Variants in ZBTB10 observed in about 807,000 individuals in gnomAD.
ZBTB10 encodes zinc finger and BTB domain containing 10.
A neutral mutation model predicts 76.4 loss-of-function variants in ZBTB10; 32 were observed. The ratio of observed to expected loss-of-function variants is 0.42; its 90% CI spans 0.32 to 0.56. The LOEUF (loss-of-function observed/expected upper bound fraction) is 0.56, where lower values mean the gene tolerates loss of function less well. ZBTB10 is among the 20% of genes least tolerant of loss of function. ZBTB10 has a pLI of 0.14. For missense variants in ZBTB10, 1,057 were observed against 1,098.5 expected (o/e 0.96, Z 0.53); for synonymous variants, 523 against 432.9 (o/e 1.21, Z -2.58).
At chr8:80,506,578 C>A (rs1401314374) in intron 2 of ZBTB10, among the ~76,000 whole-genome samples, 1 of 146,026 alleles carries the variant, frequency 6.8e-6, no homozygotes, top group African/African-American at 2.6e-5. Context: ...CCCCCAACCC[C>A]CGCCTCAGCC....
chr8:80,488,014 TGTC>T (rs1237257071), intron 1 of ZBTB10, among the ~76,000 whole-genome samples: 22 of 147,378 alleles, frequency 1.5e-4, no homozygotes, highest in Admixed American at 8.7e-4. Context: ...GAATGACAAT[TGTC>T]GTGGCGCTGG....
At chr8:80,503,660 G>A (rs1460230022) in intron 2 of ZBTB10, among the ~76,000 whole-genome samples, 1 of 151,974 alleles carries the variant, frequency 6.6e-6, no homozygotes, top group Non-Finnish European at 1.5e-5. Flanking sequence ...GGGACTACTG[G>A]CGTGCACCAC....
rs755682801 is a variant in ZBTB10 at position 80,513,901 on chromosome 8, C to T, written c.1862-9C>T. 4 of 1,611,726 alleles carry T rather than the reference C, an allele frequency of 2.5e-6. No individual in the cohort carries two copies. The highest frequency in any genetic ancestry group is 1.3e-5 in the African/African-American group (1 of 74,946). On this transcript the variant is annotated splice_polypyrimidine_tract_variant and intron_variant, in intron 2 of 5. Transcript: ENST00000455036. ...TTTGTAGATAAATTTTTCTATGTTT[C>T]CTTTTCAGATTTAGATGGTGCTCTA...
chr8:80,489,536 A>G (rs1253152740), intron 1 of ZBTB10, among the ~76,000 whole-genome samples: 2 of 152,206 alleles, frequency 1.3e-5, no homozygotes, highest in Non-Finnish European at 2.9e-5. Flanking sequence ...GCAAATCTGA[A>G]TGGGAATGCA....
chr8:80,503,264 T>C (rs527979437), intron 2 of ZBTB10, among the ~76,000 whole-genome samples: 99 of 152,292 alleles, frequency 6.5e-4, no homozygotes, highest in African/African-American at 2.3e-3. Context: ...GCAATCCTCC[T>C]TAAACTTGGA....
Position 80,500,113 on chromosome 8 carries a change from A to T in ZBTB10, c.1592A>T (p.Tyr531Phe). The change falls in exon 2 of 6, where the codon TAC becomes TTC. Residue 531 changes from tyrosine (Y) to phenylalanine (F), a missense_variant. Around this residue, in one of 5 missense-constraint regions of ZBTB10, gnomAD observed 306 missense variants for 297.5 expected, o/e 1.03. Transcript: ENST00000455036. ...GTCGACGAGGGCCAAATAGAAAACTACCAAATGAATGACAGTAGTTGGGTC... is the reference window on the plus strand; with the variant it reads ...GTCGACGAGGGCCAAATAGAAAACTTCCAAATGAATGACAGTAGTTGGGTC... The part of the protein sequence containing the change: ...CNVDEGQIEN[Y>F]QMNDSSWVQD... 1 of 1,613,982 alleles carries T rather than the reference A, an allele frequency of 6.2e-7. No homozygotes were observed. Among genetic ancestry groups the T allele is most frequent in the Non-Finnish European group, 8.5e-7 (1 of 1,179,882 alleles).
At chr8:80,516,662 C>T (rs1816332520) in intron 3 of ZBTB10, among the ~76,000 whole-genome samples, 1 of 152,186 alleles carries the variant, frequency 6.6e-6, no homozygotes, top group Non-Finnish European at 1.5e-5. Context: ...GCTTTCTTTA[C>T]ATCAAAAACC....
In ZBTB10 at chr8:80,491,806, T is replaced by G. The variant is rs193273636; in HGVS notation, c.972+4024T>G. Among the ~76,000 whole-genome samples the G allele has an allele frequency of 3.9e-5, 6 of 152,354 alleles. No individual in the cohort carries two copies. In the East Asian group the frequency reaches 1.2e-3, roughly 29 times the overall value. On this transcript the variant is annotated intron_variant, in intron 1 of 5. Coordinates refer to ENST00000455036, the MANE Select transcript of ZBTB10 (RefSeq NM_001105539.3). ...TGGTTTAGACCACTTTCTACCTAAT[T>G]GTGAAATTTTCATAGCCTAAATCAC...
rs1186071826 is a variant in ZBTB10 at position 80,518,543 on chromosome 8, C to G, written c.2101C>G (p.Pro701Ala). Residue 701 changes from proline to alanine, a missense_variant, in exon 4 of 6, where the codon CCA becomes GCA. Coordinates refer to ENST00000455036, the MANE Select transcript of ZBTB10 (RefSeq NM_001105539.3). The part of the protein sequence containing the change: ...ASNDFKYGLL[P>A]ESWPKQETWE... Reference sequence around the variant, plus strand: ...AAATGATTTCAAGTATGGATTATTGCCAGAATCTTGGCCAAAACAAGAAAC... The same window carrying G: ...AAATGATTTCAAGTATGGATTATTGGCAGAATCTTGGCCAAAACAAGAAAC... The G allele has an allele frequency of 8.4e-6, 13 of 1,552,658 alleles. No individual in the cohort carries two copies. Among genetic ancestry groups the G allele is most frequent in the South Asian group, 1.2e-5 (1 of 83,858 alleles).
upstream of ZBTB10, chr8:80,485,884 G>A: frequency 6.5e-7 from 1 of 1,535,620 alleles, no homozygotes; most frequent in Non-Finnish European, 8.7e-7. Context: ...GCGCGGGTAG[G>A]TGCGTGTGGG....
intron 1 of ZBTB10, 81 bp downstream of exon 1, chr8:80,487,863 CGAAAA>C: frequency 6.9e-7 from 1 of 1,440,120 alleles, no homozygotes; most frequent in Non-Finnish European, 9.2e-7. Context: ...CACCCACCCC[CGAAAA>C]AAAACCTCAA....
rs748242320 is a variant in ZBTB10 at position 80,487,420 on chromosome 8, T to TGCA, written c.621_623dup (p.Ser207dup). On this transcript the variant is annotated inframe_insertion, in exon 1 of 6. Coordinates refer to ENST00000455036, the MANE Select transcript of ZBTB10 (RefSeq NM_001105539.3). ...CGGCAGCGGGGCGGAAGGCGGCAGC[T>TGCA]GCAGCAGCAGCAGGCGGTCGGGCGG... 1.6e-5 allele frequency: 24 copies of TGCA among 1,542,030 alleles called. No individual in the cohort carries two copies. The highest frequency in any genetic ancestry group is 9.8e-5 in the East Asian group (4 of 40,712).
At chr8:80,501,430 A>T (rs1057125149) in intron 2 of ZBTB10, among the ~76,000 whole-genome samples, 1 of 152,200 alleles carries the variant, frequency 6.6e-6, no homozygotes, top group Non-Finnish European at 1.5e-5. Context: ...GAGGTTTCCT[A>T]TGCATGCCTG....
rs560415362 is a variant in ZBTB10, at chr8:80,488,484, C to T, written c.972+702C>T. Among the ~76,000 whole-genome samples, 8 of 152,126 alleles carry T rather than the reference C, an allele frequency of 5.3e-5. No individual in the cohort carries two copies. The East Asian group carries it at 9.7e-4, about 18-fold the overall frequency. ...GCTGAGATTTCTTTTTGTACTGTTC[C>T]TTTTCAGAAAGATTTTTAAATGCAG... On this transcript the variant is annotated intron_variant, in intron 1 of 5. Coordinates refer to ENST00000455036, the MANE Select transcript of ZBTB10 (RefSeq NM_001105539.3).
intron 2 of ZBTB10, among the ~76,000 whole-genome samples, chr8:80,509,698 G>A (rs1421069148): frequency 2.0e-5 from 3 of 151,938 alleles, no homozygotes; most frequent in Non-Finnish European, 4.4e-5. Context: ...TTTTTGGGAG[G>A]TAGAGACTGA....
At chr8:80,497,566 T>G (rs1585844582) in intron 1 of ZBTB10, among the ~76,000 whole-genome samples, 1 of 151,906 alleles carries the variant, frequency 6.6e-6, no homozygotes. Context: ...CAGTCAAAAA[T>G]GAGGAAATTT....
In ZBTB10 at chr8:80,500,005, A is replaced by G. The variant is rs752086064; in HGVS notation, c.1484A>G (p.Asp495Gly). 1.2e-6 allele frequency: 2 copies of G among 1,613,868 alleles called. No individual in the cohort carries two copies. Among genetic ancestry groups the G allele is most frequent in the Non-Finnish European group, 1.7e-6 (2 of 1,179,888 alleles). The change falls in exon 2 of 6, where the codon GAT becomes GGT. Residue 495 changes from aspartate to glycine, a missense_variant. Physicochemically the swap from Asp to Gly is moderately conservative, Grantham distance 94. This residue lies in a region of ZBTB10 where 306 missense variants were observed against 297.5 expected (regional missense o/e 1.03). Transcript: ENST00000455036. ...VNRDGLSSSR[D>G]QKIASFWATR... ...AGAGATGGTCTGTCTTCATCACGGG[A>G]TCAAAAAATTGCCAGTTTTTGGGCA...
chr8:80,512,830 G>A (rs1297156867), intron 2 of ZBTB10, among the ~76,000 whole-genome samples: 1 of 151,818 alleles, frequency 6.6e-6, no homozygotes, highest in African/African-American at 2.4e-5. Context: ...TTTCTTAATT[G>A]ATCATCATCT....
At chr8:80,493,691 G>A (rs1298156377) in intron 1 of ZBTB10, among the ~76,000 whole-genome samples, 62 of 151,416 alleles carry the variant, frequency 4.1e-4, no homozygotes, top group Admixed American at 2.0e-4. Context: ...CGAGCCGGGC[G>A]TGGTGGCGCA....
Sources: allele counts gnomAD v4.1 joint callset (sites outside exome capture counted in the v4.1 genomes callset), GRCh38; gene constraint gnomAD v4.1.1; regional missense constraint gnomAD v4.1.1; transcripts MANE v1.5; gene names NCBI Gene and HGNC (gene_info 2026-07-23, HGNC 2026-07-21).